The following XKR4 variants were observed in gnomAD, a reference collection of about 807,000 sequenced individuals.
The protein encoded by XKR4 is XK related 4.
A neutral mutation model predicts 53.9 loss-of-function variants in XKR4; 12 were observed. That is an observed-to-expected ratio of 0.22 (90% CI 0.14 to 0.36). The LOEUF (loss-of-function observed/expected upper bound fraction) is 0.36. Among genes scored for constraint, XKR4 ranks in the 10% least tolerant of loss-of-function variants. XKR4 has a pLI of 1.00. For synonymous variants in XKR4, 354 were observed against 362.4 expected, an observed-to-expected ratio of 0.98 and a Z score of 0.26; for missense variants, 799 against 859.5, an observed-to-expected ratio of 0.93 and a Z score of 0.88.
In XKR4 at chr8:55,357,837, C is replaced by G. The variant is rs1408425920; in HGVS notation, c.966C>G (p.Leu322=). 1.2e-6 allele frequency: 2 copies of G among 1,614,048 alleles called. No homozygotes were observed. The highest frequency in any genetic ancestry group is 1.7e-6 in the Non-Finnish European group (2 of 1,180,022). ...LESAPQLVLQ[L]CIIVQTHSLQ... Reference sequence around the variant, plus strand: ...GTGCTCCACAGCTGGTCCTGCAGCTCTGCATTATCGTACAGACTCATAGCT... The same window carrying G: ...GTGCTCCACAGCTGGTCCTGCAGCTGTGCATTATCGTACAGACTCATAGCT... Residue 322 remains leucine, a synonymous_variant, in exon 2 of 3, where the codon CTC becomes CTG. Coordinates refer to ENST00000327381, the MANE Select transcript of XKR4 (RefSeq NM_052898.2).
chr8:55,437,600 A>T (rs1805195267), intron 2 of XKR4, among the ~76,000 whole-genome samples: 1 of 152,202 alleles, frequency 6.6e-6, no homozygotes, highest in South Asian at 2.1e-4. Flanking sequence ...ATATAAGGAG[A>T]CGTAGCAAAC....
chr8:55,472,964 T>C (rs1805912992), intron 2 of XKR4, among the ~76,000 whole-genome samples: 2 of 152,106 alleles, frequency 1.3e-5, no homozygotes, highest in Admixed American at 1.3e-4. Flanking sequence ...AGCATAAGTA[T>C]GGCATAAAGG....
intron 1 of XKR4, among the ~76,000 whole-genome samples, chr8:55,128,113 G>A (rs1356707012): frequency 1.3e-5 from 2 of 151,910 alleles, no homozygotes; most frequent in African/African-American, 4.8e-5. Context: ...GGATGGCTGG[G>A]TCAAATGGTA....
At chr8:55,202,634 C>T (rs1817590539) in intron 1 of XKR4, among the ~76,000 whole-genome samples, 1 of 152,182 alleles carries the variant, frequency 6.6e-6, no homozygotes, top group Non-Finnish European at 1.5e-5. Context: ...TTGCTGGGCT[C>T]CATGCCCTGT....
intron 2 of XKR4, among the ~76,000 whole-genome samples, chr8:55,494,780 G>A (rs545430889): frequency 5.3e-4 from 80 of 152,206 alleles, no homozygotes; most frequent in South Asian, 1.5e-3. Context: ...GACCTCAGAC[G>A]GGAGGAAGTG....
chr8:55,334,979 G>A (rs1803438408), intron 1 of XKR4, among the ~76,000 whole-genome samples: 1 of 152,154 alleles, frequency 6.6e-6, no homozygotes, highest in Non-Finnish European at 1.5e-5. Flanking sequence ...TTTAGAGATG[G>A]ATAGCAGTGT....
chr8:55,153,857 A>G (rs1261304334), intron 1 of XKR4, among the ~76,000 whole-genome samples: 1 of 152,228 alleles, frequency 6.6e-6, no homozygotes, highest in Non-Finnish European at 1.5e-5. Flanking sequence ...AGAAAGCAAG[A>G]CTTGTTAATG....
At chr8:55,390,249 C>A (rs115854162) in intron 2 of XKR4, among the ~76,000 whole-genome samples, 4,964 of 152,202 alleles carry the variant, frequency 0.033, 237 homozygotes, top group African/African-American at 0.11. Context: ...TGAATCTCAT[C>A]AAAAAACTGA....
chr8:55,456,111 A>G (rs2129397177), intron 2 of XKR4, among the ~76,000 whole-genome samples: 1 of 152,326 alleles, frequency 6.6e-6, no homozygotes, highest in East Asian at 1.9e-4. Context: ...ATCCATACTC[A>G]GGAAAAAAAG....
intron 1 of XKR4, among the ~76,000 whole-genome samples, chr8:55,335,422 G>A (rs915968144): frequency 2.0e-5 from 3 of 151,752 alleles, no homozygotes; most frequent in Non-Finnish European, 2.9e-5. Flanking sequence ...ATGACACTGC[G>A]AGAAAAAAAT....
intron 1 of XKR4, among the ~76,000 whole-genome samples, chr8:55,285,813 T>A (rs1322617735): frequency 6.6e-6 from 1 of 152,198 alleles, no homozygotes; most frequent in African/African-American, 2.4e-5. Flanking sequence ...GGCAACTGTT[T>A]CTGAACGTGT....
intron 1 of XKR4, among the ~76,000 whole-genome samples, chr8:55,141,645 TTCTCTCTC>T (rs138063196): frequency 8.9e-6 from 1 of 111,930 alleles, no homozygotes; most frequent in East Asian, 2.6e-4. Flanking sequence ...GTGCTTCTGC[TTCTCTCTC>T]TCTCTCTCTC....
At chr8:55,407,620 C>T (rs1804704325) in intron 2 of XKR4, among the ~76,000 whole-genome samples, 1 of 152,234 alleles carries the variant, frequency 6.6e-6, no homozygotes, top group Admixed American at 6.5e-5. Context: ...CTCTTTTCCC[C>T]CTGACACCCG....
At chr8:55,326,888 A>G (rs1803302877) in intron 1 of XKR4, among the ~76,000 whole-genome samples, 1 of 151,786 alleles carries the variant, frequency 6.6e-6, no homozygotes, top group South Asian at 2.1e-4. Flanking sequence ...AAGACGGCCT[A>G]AAGAAGCCAG....
intron 1 of XKR4, among the ~76,000 whole-genome samples, chr8:55,212,311 A>G (rs1358778925): frequency 6.6e-6 from 1 of 152,204 alleles, no homozygotes; most frequent in Non-Finnish European, 1.5e-5. Context: ...TCTCTGTGGA[A>G]TGTAGATTTT....
intron 2 of XKR4, among the ~76,000 whole-genome samples, chr8:55,469,780 G>C (rs192758633): frequency 6.6e-6 from 1 of 152,060 alleles, no homozygotes; most frequent in Non-Finnish European, 1.5e-5. Context: ...AGCTAACTAG[G>C]AACAAATCTT....
Position 55,102,331 on chromosome 8 carries a change from GCGGCGGCGGA to G in XKR4, c.-153_-144del, listed in dbSNP as rs1007706998. The G allele has an allele frequency of 9.9e-7, 1 of 1,008,424 alleles. No individual in the cohort carries two copies. The highest frequency in any genetic ancestry group is 6.9e-5 in the East Asian group (1 of 14,580). 62.5% of individuals were successfully genotyped at this position (1,008,424 alleles called of 1,614,324 possible). On this transcript the variant is annotated 5_prime_UTR_variant, in exon 1 of 3. Transcript: ENST00000327381. This position sits in a 1 kb window ranked among gnomAD's most constrained non-coding sequence, Gnocchi z 5.1. ...CAGCGCCCAGCCCGGCGGGCGGCGG[GCGGCGGCGGA>G]CGGCAGGCGAGCCGACGCAGGAGCA...
chr8:55,125,476 C>T (rs1244995856), intron 1 of XKR4, among the ~76,000 whole-genome samples: 6 of 152,286 alleles, frequency 3.9e-5, no homozygotes, highest in South Asian at 2.1e-4. Flanking sequence ...TCAGGTGATC[C>T]GCCCGCCTTG....
At chr8:55,313,922 C>A (rs1350592826) in intron 1 of XKR4, among the ~76,000 whole-genome samples, 3 of 152,178 alleles carry the variant, frequency 2.0e-5, no homozygotes, top group African/African-American at 7.2e-5. Context: ...GTCATTTAAA[C>A]CCTGGACACC....
Sources: allele counts gnomAD v4.1 joint callset (sites outside exome capture counted in the v4.1 genomes callset), GRCh38; gene constraint gnomAD v4.1.1; non-coding constraint Gnocchi (gnomAD v3.1); transcripts MANE v1.5; gene names NCBI Gene and HGNC (gene_info 2026-07-23, HGNC 2026-07-21).